The following KCNMB2 variants were observed in gnomAD, a reference collection of about 807,000 sequenced individuals.
KCNMB2 encodes the protein potassium calcium-activated channel subfamily M regulatory beta subunit 2.
Under a neutral mutation model 24.5 loss-of-function variants are expected in KCNMB2, and 9 were observed. The observed-to-expected ratio is 0.37, with a 90% CI of 0.22 to 0.64. The LOEUF (loss-of-function observed/expected upper bound fraction) is 0.64, where lower values mean the gene tolerates loss of function less well. KCNMB2 is among the 30% of genes least tolerant of loss of function. KCNMB2 has a pLI of 0.63. For missense variants in KCNMB2, 226 were observed against 284.3 expected, an observed-to-expected ratio of 0.79 and a Z score of 1.47; for synonymous variants, 109 against 104.4, an observed-to-expected ratio of 1.04 and a Z score of -0.27.
chr3:178,807,526 A>G (rs1714021266), intron 2 of KCNMB2, 61 bp downstream of exon 2: 1 of 1,412,208 alleles, frequency 7.1e-7, no homozygotes, highest in African/African-American at 1.4e-5. Flanking sequence ...TCCAAAGAGG[A>G]TACTGACAGG....
At chr3:178,697,763 T>C (rs1721934946) in intron 1 of KCNMB2, among the ~76,000 whole-genome samples, 2 of 152,220 alleles carry the variant, frequency 1.3e-5, no homozygotes, top group South Asian at 4.1e-4. Context: ...CCATGTTTAG[T>C]GCTTCCTTCA....
At chr3:178,803,574 T>C (rs1021309700) in intron 1 of KCNMB2, among the ~76,000 whole-genome samples, 3 of 152,148 alleles carry the variant, frequency 2.0e-5, no homozygotes, top group Admixed American at 6.5e-5. Context: ...TGTCCTGGAT[T>C]GTGCTGTAAG....
chr3:178,601,604 T>A (rs921967991), intron 1 of KCNMB2, among the ~76,000 whole-genome samples: 1 of 152,194 alleles, frequency 6.6e-6, no homozygotes, highest in Non-Finnish European at 1.5e-5. Flanking sequence ...TGGCCTTTCC[T>A]CAGGAGGGGC....
chr3:178,733,550 G>A (rs992389563), intron 1 of KCNMB2, among the ~76,000 whole-genome samples: 1 of 151,970 alleles, frequency 6.6e-6, no homozygotes, highest in African/African-American at 2.4e-5. Flanking sequence ...GCACGATCTC[G>A]GCTCACTGCA....
intron 1 of KCNMB2, among the ~76,000 whole-genome samples, chr3:178,804,651 G>A (rs185138701): frequency 6.6e-6 from 1 of 152,264 alleles, no homozygotes; most frequent in Admixed American, 6.5e-5. Flanking sequence ...TATTCTAAAT[G>A]TATTGAAATC....
In KCNMB2 at chr3:178,670,338, G is replaced by A. The variant is rs114681618; in HGVS notation, c.-68+133627G>A. Among the ~76,000 whole-genome samples the A allele has an allele frequency of 1.2e-3, 183 of 152,024 alleles. 1 individual carries two copies. Among genetic ancestry groups the A allele is most frequent in the African/African-American group, 4.2e-3 (173 of 41,490 alleles). On this transcript the variant is annotated intron_variant, in intron 1 of 4. Transcript: ENST00000452583. ...ACTAGATATCATTAACACCAGTCAC[G>A]ACAATCAAAGAACTTCTGCAAAGGG...
intron 1 of KCNMB2, among the ~76,000 whole-genome samples, chr3:178,629,484 G>A (rs979796319): frequency 2.0e-5 from 3 of 152,248 alleles, no homozygotes; most frequent in Admixed American, 1.3e-4. Flanking sequence ...TGGTTGGGGT[G>A]AGAATGGGGT....
chr3:178,720,086 C>T (rs998492486), intron 1 of KCNMB2, among the ~76,000 whole-genome samples: 3 of 151,996 alleles, frequency 2.0e-5, no homozygotes, highest in Non-Finnish European at 4.4e-5. Context: ...CCCATTAACT[C>T]GTCATTTAGC....
chr3:178,752,081 A>T (rs1345636625), intron 1 of KCNMB2, among the ~76,000 whole-genome samples: 1 of 152,240 alleles, frequency 6.6e-6, no homozygotes, highest in African/African-American at 2.4e-5. Flanking sequence ...CTACATATTT[A>T]AAAAGCTAAA....
intron 1 of KCNMB2, among the ~76,000 whole-genome samples, chr3:178,598,455 C>G (rs1717957399): frequency 6.6e-6 from 1 of 151,746 alleles, no homozygotes; most frequent in South Asian, 2.1e-4. Flanking sequence ...TGTACTCATT[C>G]TGGTAAGGAA....
At chr3:178,672,095 GC>G (rs1361757444) in intron 1 of KCNMB2, among the ~76,000 whole-genome samples, 1 of 152,186 alleles carries the variant, frequency 6.6e-6, no homozygotes, top group Non-Finnish European at 1.5e-5. Flanking sequence ...AAGGACTGTA[GC>G]ACAGGACTGG....
intron 1 of KCNMB2, among the ~76,000 whole-genome samples, chr3:178,733,668 AT>A (rs1288139126): frequency 6.6e-6 from 1 of 151,876 alleles, no homozygotes; most frequent in Non-Finnish European, 1.5e-5. Context: ...TTTAGGAGGG[AT>A]GGGGTTTCGC....
chr3:178,729,872 C>T (rs780538011), intron 1 of KCNMB2, among the ~76,000 whole-genome samples: 2 of 152,158 alleles, frequency 1.3e-5, no homozygotes, highest in South Asian at 2.1e-4. Context: ...ATAAACAAAT[C>T]GTCTAAGTTG....
At chr3:178,637,729 C>G (rs769905052) in intron 1 of KCNMB2, among the ~76,000 whole-genome samples, 61 of 152,142 alleles carry the variant, frequency 4.0e-4, no homozygotes, top group Non-Finnish European at 7.5e-4. Flanking sequence ...TAGGTAGTCA[C>G]AAGCATGGTA....
intron 1 of KCNMB2, among the ~76,000 whole-genome samples, chr3:178,756,624 C>A (rs911017380): frequency 6.6e-6 from 1 of 152,040 alleles, no homozygotes; most frequent in Non-Finnish European, 1.5e-5. Flanking sequence ...GTCCATTATG[C>A]CTATTTTTAT....
At chr3:178,721,502 T>A (rs1437463756) in intron 1 of KCNMB2, among the ~76,000 whole-genome samples, 1 of 152,212 alleles carries the variant, frequency 6.6e-6, no homozygotes, top group Non-Finnish European at 1.5e-5. Flanking sequence ...TAGTTGCAGT[T>A]TATGGTGATT....
At chr3:178,583,864 C>T (rs986526786) in intron 1 of KCNMB2, among the ~76,000 whole-genome samples, 2 of 152,202 alleles carry the variant, frequency 1.3e-5, no homozygotes, top group Non-Finnish European at 2.9e-5. Flanking sequence ...GTTCACTGCA[C>T]TCCATAGTGT....
intron 2 of KCNMB2, among the ~76,000 whole-genome samples, chr3:178,815,809 T>C (rs1714383878): frequency 6.6e-6 from 1 of 152,076 alleles, no homozygotes; most frequent in Non-Finnish European, 1.5e-5. Context: ...CCCTTTAATA[T>C]ATTATTTATG....
chr3:178,601,386 T>A (rs1017420687), intron 1 of KCNMB2, among the ~76,000 whole-genome samples: 1 of 151,804 alleles, frequency 6.6e-6, no homozygotes, highest in African/African-American at 2.4e-5. Context: ...TGAAGGTGAT[T>A]TTGTTAAGGT....
Sources: allele counts gnomAD v4.1 joint callset (sites outside exome capture counted in the v4.1 genomes callset), GRCh38; gene constraint gnomAD v4.1.1; transcripts MANE v1.5; gene names NCBI Gene and HGNC (gene_info 2026-07-23, HGNC 2026-07-21).